The following NAV2 variants were observed in gnomAD, a reference collection of about 807,000 sequenced individuals.
The protein encoded by NAV2 is helicase, APC down-regulated 1.
In NAV2, 54 loss-of-function variants were observed where a neutral mutation model predicts 223.2. The ratio of observed to expected loss-of-function variants is 0.24; its 90% CI spans 0.19 to 0.30. NAV2 has a LOEUF of 0.30. NAV2 is among the 10% of genes least tolerant of loss of function. The pLI is 1.00. For synonymous variants in NAV2, 1,279 were observed against 1,239.3 expected, an observed-to-expected ratio of 1.03 and a Z score of -0.67; for missense variants, 2,806 against 3,147.5, an observed-to-expected ratio of 0.89 and a Z score of 2.60.
At chr11:19,665,996 C>T (rs2048399964) in intron 1 of NAV2, among the ~76,000 whole-genome samples, 1 of 152,152 alleles carries the variant, frequency 6.6e-6, no homozygotes, top group South Asian at 2.1e-4. Context: ...AACTACTTTC[C>T]ATCCAGGCAA....
At chr11:19,992,326 A>C (rs575856345) in intron 11 of NAV2, among the ~76,000 whole-genome samples, 3 of 152,268 alleles carry the variant, frequency 2.0e-5, no homozygotes, top group Non-Finnish European at 4.4e-5. Context: ...GCTGACAGGA[A>C]GTAAACCATC....
intron 29 of NAV2, among the ~76,000 whole-genome samples, chr11:20,093,957 T>C (rs1012000925): frequency 6.6e-6 from 1 of 152,144 alleles, no homozygotes; most frequent in Non-Finnish European, 1.5e-5. Context: ...TGTTTGTTAT[T>C]TCTTAGTATT....
chr11:19,660,856 C>A (rs2048258094), intron 1 of NAV2, among the ~76,000 whole-genome samples: 1 of 152,128 alleles, frequency 6.6e-6, no homozygotes, highest in Non-Finnish European at 1.5e-5. Flanking sequence ...CATAATAGCA[C>A]TTTTCTGTGC....
At chr11:19,600,244 G>C (rs1020367831) in intron 1 of NAV2, among the ~76,000 whole-genome samples, 2 of 152,148 alleles carry the variant, frequency 1.3e-5, no homozygotes, top group African/African-American at 4.8e-5. Context: ...TTTCTCCTGG[G>C]ATATGAGAAC....
At position 20,036,005 on chromosome 11, in the gene NAV2, G is replaced by A. The variant is rs1439002388; in HGVS notation, c.2815G>A (p.Asp939Asn). The change falls in exon 12 of 38, where the codon GAC becomes AAC. Residue 939 changes from aspartate to asparagine, a missense_variant. Coordinates refer to ENST00000349880, the MANE Select transcript of NAV2 (RefSeq NM_145117.5). ...SVSSGISDTI[D>N]NLSTDDINTS... ...CAGCAGCGGCATCAGCGACACCATA[G>A]ACAACCTCAGCACTGATGACATCAA... The A allele has an allele frequency of 6.2e-7, 1 of 1,614,158 alleles. No individual in the cohort carries two copies. Among genetic ancestry groups the A allele is most frequent in the Admixed American group, 1.7e-5 (1 of 60,018 alleles).
chr11:19,346,652 G>T (rs1369927676), upstream of NAV2, among the ~76,000 whole-genome samples: 2 of 152,168 alleles, frequency 1.3e-5, no homozygotes, highest in East Asian at 1.9e-4. Context: ...CGCTCCGCTC[G>T]CTCGCAGTGC....
chr11:19,398,765 T>C (rs1238597787), intron 1 of NAV2, among the ~76,000 whole-genome samples: 2 of 152,206 alleles, frequency 1.3e-5, no homozygotes, highest in Non-Finnish European at 2.9e-5. Flanking sequence ...TCTGTTAATC[T>C]CCTGCTCCCA....
At chr11:19,893,850 C>A (rs1456591701) in intron 6 of NAV2, among the ~76,000 whole-genome samples, 1 of 152,184 alleles carries the variant, frequency 6.6e-6, no homozygotes, top group African/African-American at 2.4e-5. Context: ...CTCCCACTTT[C>A]CTTTTCTTCA....
chr11:19,588,609 C>T (rs2045964606), intron 1 of NAV2, among the ~76,000 whole-genome samples: 1 of 152,150 alleles, frequency 6.6e-6, no homozygotes, highest in African/African-American at 2.4e-5. Flanking sequence ...AGAAGTGGTA[C>T]ACAACTACCA....
intron 6 of NAV2, among the ~76,000 whole-genome samples, chr11:19,902,750 A>T (rs1482673711): frequency 6.6e-6 from 1 of 152,210 alleles, no homozygotes; most frequent in East Asian, 1.9e-4. Flanking sequence ...TCAAGCTCTC[A>T]TCTGTAGTCA....
intron 1 of NAV2, among the ~76,000 whole-genome samples, chr11:19,521,190 T>C (rs2043643254): frequency 6.6e-6 from 1 of 152,030 alleles, no homozygotes; most frequent in East Asian, 1.9e-4. Context: ...TCATAGTGGG[T>C]GGCCAGTGGT....
intron 1 of NAV2, among the ~76,000 whole-genome samples, chr11:19,628,769 A>G (rs1275327211): frequency 6.6e-6 from 1 of 152,214 alleles, no homozygotes; most frequent in African/African-American, 2.4e-5. Flanking sequence ...TGCACATATA[A>G]TTATACTCAA....
chr11:19,694,345 A>C (rs2049266105), intron 1 of NAV2, among the ~76,000 whole-genome samples: 1 of 152,210 alleles, frequency 6.6e-6, no homozygotes, highest in Non-Finnish European at 1.5e-5. Flanking sequence ...ACCCTCAGAC[A>C]CAACCAGCTC....
intron 11 of NAV2, among the ~76,000 whole-genome samples, chr11:20,023,704 GT>G: frequency 7.0e-6 from 1 of 143,340 alleles, no homozygotes; most frequent in Non-Finnish European, 1.5e-5. Flanking sequence ...TGCTGGGTGT[GT>G]GTGTGTGTGT....
intron 1 of NAV2, among the ~76,000 whole-genome samples, chr11:19,352,007 A>G (rs940520576): frequency 3.2e-5 from 4 of 124,538 alleles, no homozygotes; most frequent in East Asian, 2.3e-4. Context: ...GTGTGTGTGT[A>G]TGAAAAAGGA....
chr11:19,873,494 A>T (rs2062655453), intron 4 of NAV2, among the ~76,000 whole-genome samples: 1 of 152,166 alleles, frequency 6.6e-6, no homozygotes, highest in Non-Finnish European at 1.5e-5. Flanking sequence ...TTGGATAAAC[A>T]AAAGTAGGAA....
chr11:19,485,792 C>T (rs1053252494), intron 1 of NAV2, among the ~76,000 whole-genome samples: 2 of 151,682 alleles, frequency 1.3e-5, no homozygotes, highest in Non-Finnish European at 2.9e-5. Context: ...GGGATGGATC[C>T]GAGTTACAGG....
rs2063453573 is a variant in NAV2 at position 20,121,128 on chromosome 11, C to G, written c.*2870C>G. The G allele has an allele frequency of 6.6e-6, 1 of 152,460 alleles. No homozygotes were observed. Among genetic ancestry groups the G allele is most frequent in the Admixed American group, 6.5e-5 (1 of 15,270 alleles). 9.4% of individuals were successfully genotyped at this position (152,460 alleles called of 1,614,324 possible). A position where few individuals can be genotyped will look rare whatever the true frequency, so the allele number is the denominator to read the frequency against. On this transcript the variant is annotated 3_prime_UTR_variant, in exon 38 of 38. Transcript: ENST00000349880. ...GGGACTTTTACTTTGTTGTTTGATG[C>G]TTAAACTTCAAAATTCTCTGTATTC...
At chr11:19,448,202 G>T (rs571627466) in intron 1 of NAV2, among the ~76,000 whole-genome samples, 2 of 150,828 alleles carry the variant, frequency 1.3e-5, no homozygotes, top group Non-Finnish European at 2.9e-5. Context: ...TCAGTCAGGC[G>T]CAAGGTGGGG....
Sources: gnomAD v4.1 joint callset for allele counts (sites outside exome capture counted in the v4.1 genomes callset) on GRCh38, gnomAD v4.1.1 for gene constraint, MANE v1.5 for transcripts, NCBI Gene and HGNC (gene_info 2026-07-23, HGNC 2026-07-21) for gene names.